Variants in GNG4 observed in about 807,000 individuals in gnomAD.
The protein encoded by GNG4 is G protein subunit gamma 4.
In GNG4, 4 loss-of-function variants were observed where a neutral mutation model predicts 5.8. That is an observed-to-expected ratio of 0.69 (90% CI 0.34 to 1.57). GNG4 has a LOEUF of 1.57. Among genes scored for constraint, GNG4 ranks in the 40% most tolerant of loss-of-function variants. The pLI is 0.06. For missense variants in GNG4, 96 were observed against 95.1 expected (o/e 1.01, Z -0.04); for synonymous variants, 29 against 32.9 (o/e 0.88, Z 0.41).
chr1:235,643,911 G>A (rs1208770252), intron 1 of GNG4, among the ~76,000 whole-genome samples: 2 of 152,242 alleles, frequency 1.3e-5, no homozygotes, highest in South Asian at 2.1e-4. Flanking sequence ...TTCAGAGGAT[G>A]CTGACCCATC....
chr1:235,607,185 G>C (rs1169620797), intron 1 of GNG4, among the ~76,000 whole-genome samples: 1 of 151,950 alleles, frequency 6.6e-6, no homozygotes, highest in Non-Finnish European at 1.5e-5. Context: ...GACCTCAAAT[G>C]ATCCCCCCGC....
intron 2 of GNG4, among the ~76,000 whole-genome samples, chr1:235,590,536 A>G (rs528974897): frequency 6.6e-6 from 1 of 152,172 alleles, no homozygotes; most frequent in Non-Finnish European, 1.5e-5. Context: ...TAATGTAAGG[A>G]TGAAAAGCCG....
At chr1:235,605,231 C>T (rs1688334153) in intron 1 of GNG4, among the ~76,000 whole-genome samples, 1 of 150,554 alleles carries the variant, frequency 6.6e-6, no homozygotes, top group Admixed American at 6.6e-5. Context: ...CACTGTGTTG[C>T]CCAGGCTGGA....
intron 3 of GNG4, among the ~76,000 whole-genome samples, chr1:235,558,372 T>C (rs930764670): frequency 6.6e-6 from 1 of 152,222 alleles, no homozygotes; most frequent in African/African-American, 2.4e-5. Context: ...CAGAGTCCTA[T>C]ATAACCTTTA....
At chr1:235,554,336 GGT>G (rs1352796614) in intron 3 of GNG4, among the ~76,000 whole-genome samples, 1 of 152,116 alleles carries the variant, frequency 6.6e-6, no homozygotes, top group Non-Finnish European at 1.5e-5. Context: ...TGAGGTCTGG[GGT>G]CTCCCTCATG....
intron 1 of GNG4, among the ~76,000 whole-genome samples, chr1:235,627,903 G>A (rs1168673405): frequency 6.6e-6 from 1 of 152,162 alleles, no homozygotes; most frequent in East Asian, 1.9e-4. Context: ...ATATGGGGCC[G>A]GGCGTGGTGG....
chr1:235,572,253 G>A (rs960576848), intron 3 of GNG4, among the ~76,000 whole-genome samples: 2 of 151,944 alleles, frequency 1.3e-5, no homozygotes, highest in Non-Finnish European at 2.9e-5. Context: ...GCTCTGATGT[G>A]CAGTGGCACC....
rs1195775836 is a variant in GNG4 at position 235,562,673 on chromosome 1, GAAAAA to G, written c.100-10441_100-10437del. On this transcript the variant is annotated intron_variant, in intron 3 of 3. Transcript: ENST00000391854. ...AAAAAAAAAAAGAAAAAAAAAAAAA[GAAAAA>G]AAAAAAAGAAGAAAATTTGCTGGGA... 3.3e-5 allele frequency among the ~76,000 whole-genome samples: 4 copies of G among 123,020 alleles called. No homozygotes were observed. In the East Asian group the frequency reaches 7.2e-4, roughly 22 times the overall value. 80.7% of individuals were successfully genotyped at this position (123,020 alleles called of 152,430 possible).
At position 235,625,059 on chromosome 1, in the gene GNG4, G is replaced by T. The variant is rs181909184; in HGVS notation, c.-123+24603C>A. On this transcript the variant is annotated intron_variant, in intron 1 of 3. Coordinates refer to ENST00000391854, the MANE Select transcript of GNG4 (RefSeq NM_001098722.2). The stretch of plus-strand genomic sequence containing the variant: ...CAAGCTGATGAGGAAGGGTTTCCAA[G>T]AAGCAGGTCAGGGCCCCAGCCTGGC... 1.4e-4 allele frequency among the ~76,000 whole-genome samples: 21 copies of T among 152,184 alleles called. No homozygotes were observed. The South Asian group carries it at 2.1e-3, about 15-fold the overall frequency.
intron 1 of GNG4, among the ~76,000 whole-genome samples, chr1:235,641,622 T>C (rs901202189): frequency 6.6e-6 from 1 of 151,784 alleles, no homozygotes; most frequent in Non-Finnish European, 1.5e-5. Flanking sequence ...ACCTGGGAGG[T>C]GCAGGTTGCA....
At chr1:235,593,329 A>T (rs1222209768) in intron 2 of GNG4, among the ~76,000 whole-genome samples, 1 of 152,212 alleles carries the variant, frequency 6.6e-6, no homozygotes, top group East Asian at 1.9e-4. Flanking sequence ...GACCAATGCA[A>T]GGCGGTTCCA....
chr1:235,610,192 C>G (rs1395837366), intron 1 of GNG4, among the ~76,000 whole-genome samples: 1 of 152,174 alleles, frequency 6.6e-6, no homozygotes, highest in Non-Finnish European at 1.5e-5. Context: ...AGATAGCGGC[C>G]GTTATTTTGT....
Position 235,593,151 on chromosome 1 carries a change from G to A in GNG4, c.-11+2249C>T, listed in dbSNP as rs1371657059. Among the ~76,000 whole-genome samples, 4 of 152,122 alleles carry A rather than the reference G, an allele frequency of 2.6e-5. No homozygotes were observed. In the East Asian group the frequency reaches 7.7e-4, roughly 29 times the overall value. ...TTTAGTAGAGATGGGGTTTCACCAT[G>A]TTGGCCAGGCTGATCTTGAACTCCT... On this transcript the variant is annotated intron_variant, in intron 2 of 3. Transcript: ENST00000391854.
chr1:235,626,503 A>T (rs73122506), intron 1 of GNG4, among the ~76,000 whole-genome samples: 1 of 152,220 alleles, frequency 6.6e-6, no homozygotes, highest in African/African-American at 2.4e-5. Context: ...AAGTGCGATG[A>T]GACACGGCCG....
intron 3 of GNG4, among the ~76,000 whole-genome samples, chr1:235,573,932 A>G (rs1293552451): frequency 6.6e-6 from 1 of 152,198 alleles, no homozygotes; most frequent in East Asian, 1.9e-4. Flanking sequence ...ATCACAATAT[A>G]CTGTTCAGTG....
At chr1:235,617,142 T>C (rs1240461729) in intron 1 of GNG4, among the ~76,000 whole-genome samples, 1 of 152,148 alleles carries the variant, frequency 6.6e-6, no homozygotes, top group Non-Finnish European at 1.5e-5. Context: ...GAATCCATAG[T>C]TTGGGGCCCA....
intron 1 of GNG4, among the ~76,000 whole-genome samples, chr1:235,605,342 C>T (rs989903165): frequency 4.6e-5 from 7 of 152,058 alleles, no homozygotes; most frequent in African/African-American, 1.7e-4. Context: ...AGGCATGCGC[C>T]ACCACGCCCA....
chr1:235,552,893 C>T (rs1686790931), intron 3 of GNG4, among the ~76,000 whole-genome samples: 2 of 152,170 alleles, frequency 1.3e-5, no homozygotes, highest in South Asian at 2.1e-4. Context: ...TCCCAAGTAG[C>T]TGAGATTACA....
intron 3 of GNG4, among the ~76,000 whole-genome samples, chr1:235,580,739 G>GTTTTTTTTTTTTTTTTTTT (rs1200655746): frequency 2.0e-5 from 2 of 98,048 alleles, no homozygotes; most frequent in Non-Finnish European, 1.9e-5. Context: ...GGCCTATCCC[G>GTTTTTTTTTTTTTTTTTTT]TTTTTTGTTT....
Sources: allele counts gnomAD v4.1 joint callset (sites outside exome capture counted in the v4.1 genomes callset), GRCh38; gene constraint gnomAD v4.1.1; transcripts MANE v1.5; gene names NCBI Gene and HGNC (gene_info 2026-07-23, HGNC 2026-07-21).